Variants in CRABP1 observed in about 807,000 individuals in gnomAD.
CRABP1 encodes the protein cellular retinoic acid binding protein 1.
In CRABP1, 9 loss-of-function variants were observed where a neutral mutation model predicts 16.4. The ratio of observed to expected loss-of-function variants is 0.55; its 90% confidence interval spans 0.33 to 0.96. The LOEUF (loss-of-function observed/expected upper bound fraction) is 0.96, where lower values mean the gene tolerates loss of function less well. Ranked by LOEUF, CRABP1 falls within the 40% of genes least tolerant of loss-of-function variation. CRABP1 has a pLI of 0.03. For synonymous variants in CRABP1, 72 were observed against 70.4 expected (o/e 1.02, Z -0.11); for missense variants, 157 against 186.0 (o/e 0.84, Z 0.91).
At chr15:78,344,912 G>A (rs1277291226) in intron 3 of CRABP1, among the ~76,000 whole-genome samples, 1 of 150,388 alleles carries the variant, frequency 6.6e-6, no homozygotes, top group Non-Finnish European at 1.5e-5. Flanking sequence ...CTGAGACCCT[G>A]TCTCAAAATT....
intron 3 of CRABP1, among the ~76,000 whole-genome samples, chr15:78,344,292 C>A (rs1057435294): frequency 1.3e-5 from 2 of 152,118 alleles, no homozygotes; most frequent in Non-Finnish European, 2.9e-5. Context: ...GAAACCCCGT[C>A]TCTACTAAAA....
intron 3 of CRABP1, among the ~76,000 whole-genome samples, chr15:78,344,572 C>CT (rs2050254823): frequency 1.3e-5 from 2 of 152,032 alleles, no homozygotes; most frequent in South Asian, 2.1e-4. Context: ...ACTTCCTCCC[C>CT]TTTTTTTAGG....
chr15:78,348,220 T>C lies in CRABP1; in HGVS notation c.*243T>C, dbSNP rs1360946849. Reference sequence around the variant, plus strand: ...GAAGTCATTAAACTGGTTAGACGTGTCTCAACCTTTTCCCTTTTTTGGTTT... The same window carrying C: ...GAAGTCATTAAACTGGTTAGACGTGCCTCAACCTTTTCCCTTTTTTGGTTT... On this transcript the variant is annotated 3_prime_UTR_variant, in exon 4 of 4. Coordinates refer to ENST00000299529, the MANE Select transcript of CRABP1 (RefSeq NM_004378.3). 5.6e-6 allele frequency: 3 copies of C among 540,400 alleles called. No homozygotes were observed. In the Admixed American group the frequency reaches 1.0e-4, roughly 18 times the overall value. 33.5% of individuals were successfully genotyped at this position (540,400 alleles called of 1,614,324 possible).
Position 78,341,243 on chromosome 15 carries a change from A to G in CRABP1, c.249+22A>G, listed in dbSNP as rs375712642. 6.9e-5 allele frequency: 110 copies of G among 1,595,682 alleles called. No individual in the cohort carries two copies. The African/African-American group carries it at 1.4e-3, about 20-fold the overall frequency. ...CAGGGTGAGGCCCCAGAGCCACTAC[A>G]GCGTCCCCGTGTCCCCGCTCGGTGC... On this transcript the variant is annotated intron_variant, in intron 2 of 3. Coordinates refer to ENST00000299529, the MANE Select transcript of CRABP1 (RefSeq NM_004378.3). This position sits in a 1 kb window ranked among gnomAD's most constrained non-coding sequence, Gnocchi z 5.3.
In CRABP1 at chr15:78,341,223, T is replaced by C; in HGVS notation, c.249+2T>C. On this transcript the variant is annotated splice_donor_variant, in intron 2 of 3. Transcript: ENST00000299529. LOFTEE classifies it high-confidence loss of function. The surrounding 1 kb of genome is among the most constrained non-coding windows in gnomAD (Gnocchi z 5.3). Reference sequence around the variant, plus strand: ...ACCGTGGACGGACGCAAGTGCAGGGTGAGGCCCCAGAGCCACTACAGCGTC... The same window carrying C: ...ACCGTGGACGGACGCAAGTGCAGGGCGAGGCCCCAGAGCCACTACAGCGTC... 1 of 1,607,136 alleles carries C rather than the reference T, an allele frequency of 6.2e-7. No individual in the cohort carries two copies. The highest frequency in any genetic ancestry group is 8.5e-7 in the Non-Finnish European group (1 of 1,177,050).
intron 3 of CRABP1, chr15:78,347,707 G>A: frequency 2.0e-6 from 1 of 497,618 alleles, no homozygotes; most frequent in South Asian, 3.1e-5. Context: ...AAGGAAAATG[G>A]TATATAACAT....
At position 78,343,569 on chromosome 15, in the gene CRABP1, A is replaced by G. The variant is rs768271458; in HGVS notation, c.320A>G (p.Lys107Arg). The G allele has an allele frequency of 5.0e-6, 8 of 1,614,186 alleles. No individual in the cohort carries two copies. The South Asian group carries it at 8.8e-5, about 18-fold the overall frequency. Residue 107 changes from lysine (K) to arginine (R), a missense_variant, in exon 3 of 4, where the codon AAA (lysine) becomes AGA (arginine). Coordinates refer to ENST00000299529, the MANE Select transcript of CRABP1 (RefSeq NM_004378.3). ...TQTLLEGDGPKTYWTRELAND... is the reference protein window; with the variant it reads ...TQTLLEGDGPRTYWTRELAND... ...ACTCTTCTTGAAGGGGACGGCCCCA[A>G]AACCTACTGGACCCGTGAGCTGGCC...
intron 3 of CRABP1, among the ~76,000 whole-genome samples, chr15:78,344,922 TAAAAACAAAAAA>T (rs113936891): frequency 0.036 from 5,235 of 145,026 alleles, 274 homozygotes; most frequent in African/African-American, 0.12. Flanking sequence ...GTCTCAAAAT[TAAAAACAAAAAA>T]AAAAACAAAA....
At chr15:78,340,522 C>T (rs760418980) in intron 1 of CRABP1, 24 bp downstream of exon 1, 4 of 1,598,048 alleles carry the variant, frequency 2.5e-6, no homozygotes, top group Admixed American at 3.4e-5. Context: ...GAGGGCGCGC[C>T]CCGACGGGGA....
intron 3 of CRABP1, among the ~76,000 whole-genome samples, chr15:78,344,220 G>T (rs2050252012): frequency 6.6e-6 from 1 of 152,126 alleles, no homozygotes; most frequent in South Asian, 2.1e-4. Context: ...CAGCATTCTG[G>T]GGGGCCAAAG....
At chr15:78,346,174 T>C (rs2050264276) in intron 3 of CRABP1, among the ~76,000 whole-genome samples, 1 of 152,330 alleles carries the variant, frequency 6.6e-6, no homozygotes, top group African/African-American at 2.4e-5. Flanking sequence ...TCCATGGCTG[T>C]AGAACTCAAA....
rs964801270 is a variant in CRABP1, at chr15:78,348,180, C to T, written c.*203C>T. 2 of 586,932 alleles carry T rather than the reference C, an allele frequency of 3.4e-6. No homozygotes were observed. Among genetic ancestry groups the T allele is most frequent in the Non-Finnish European group, 6.0e-6 (2 of 331,860 alleles). The allele number at this position is 586,932 out of a possible 1,614,324, so 36.4% of individuals were successfully genotyped here. ...GTATCCCTAGTGCTCCATAGTTTGG[C>T]ATTTGCACGGTTTCGAAGTCATTAA... On this transcript the variant is annotated 3_prime_UTR_variant, in exon 4 of 4. Transcript: ENST00000299529.
intron 1 of CRABP1, 109 bp from the exon 2 acceptor site, chr15:78,340,929 CGAGTG>C (rs1595954609): frequency 9.2e-7 from 1 of 1,087,002 alleles, no homozygotes; most frequent in Non-Finnish European, 1.3e-6. Context: ...GGCAGGGAAA[CGAGTG>C]GATCAATTTT....
chr15:78,341,184 G>T lies in CRABP1; in HGVS notation c.212G>T (p.Gly71Val), dbSNP rs780324178. ...TTEINFKVGEGFEEETVDGRK... is the reference protein window; with the variant it reads ...TTEINFKVGEVFEEETVDGRK... ...GAGATCAACTTCAAGGTCGGAGAAG[G>T]CTTTGAGGAGGAGACCGTGGACGGA... is the stretch of plus-strand genomic sequence containing the variant. The change falls in exon 2 of 4, where the codon GGC becomes GTC. Residue 71 changes from glycine to valine, a missense_variant. Gly to Val is a moderately radical substitution (Grantham distance 109, BLOSUM62 -3). Coordinates refer to ENST00000299529, the MANE Select transcript of CRABP1 (RefSeq NM_004378.3). This position sits in a 1 kb window ranked among gnomAD's most constrained non-coding sequence, Gnocchi z 5.3. The T allele has an allele frequency of 6.2e-7, 1 of 1,612,526 alleles. No individual in the cohort carries two copies. Among genetic ancestry groups the T allele is most frequent in the Non-Finnish European group, 8.5e-7 (1 of 1,179,482 alleles).
chr15:78,340,886 G>A, intron 1 of CRABP1, 157 bp from the exon 2 acceptor site: 1 of 751,946 alleles, frequency 1.3e-6, no homozygotes, highest in Non-Finnish European at 2.1e-6. Flanking sequence ...CCCTCTCTGT[G>A]CCTCAGTCTC....
Position 78,341,014 on chromosome 15 carries a change from G to A in CRABP1, c.71-29G>A, listed in dbSNP as rs777502937. On this transcript the variant is annotated intron_variant, in intron 1 of 3. Coordinates refer to ENST00000299529, the MANE Select transcript of CRABP1 (RefSeq NM_004378.3). The surrounding 1 kb of genome is among the most constrained non-coding windows in gnomAD (Gnocchi z 5.3). ...CCCGAGACTGGCGGCGAGGCCCCGT[G>A]ACCCAAGCCTGTGGTGCACCCTGCG... The A allele has an allele frequency of 3.8e-6, 6 of 1,586,774 alleles. No homozygotes were observed. Among genetic ancestry groups the A allele is most frequent in the Non-Finnish European group, 5.1e-6 (6 of 1,168,936 alleles).
Position 78,345,601 on chromosome 15 carries a change from A to ATACGAGCAGC in CRABP1, c.363+1991_363+2000dup, listed in dbSNP as rs201604080. Among the ~76,000 whole-genome samples, 1,082 of 152,266 alleles carry ATACGAGCAGC rather than the reference A, an allele frequency of 7.1e-3. 16 individuals are homozygous for ATACGAGCAGC. Among genetic ancestry groups the ATACGAGCAGC allele is most frequent in the African/African-American group, 0.025 (1,043 of 41,540 alleles). On this transcript the variant is annotated intron_variant, in intron 3 of 3. Coordinates refer to ENST00000299529, the MANE Select transcript of CRABP1 (RefSeq NM_004378.3). ...GAGTGATTTTATTAACCTCTGTAGT[A>ATACGAGCAGC]TACGAGCAGCTGGAGTCACAGGCCA... is the stretch of plus-strand genomic sequence containing the variant.
At chr15:78,343,886 G>A (rs542997672) in intron 3 of CRABP1, among the ~76,000 whole-genome samples, 6 of 152,294 alleles carry the variant, frequency 3.9e-5, no homozygotes, top group Non-Finnish European at 8.8e-5. Context: ...TCCCAGTGGC[G>A]GTGACATGCT....
intron 1 of CRABP1, 117 bp downstream of exon 1, chr15:78,340,615 TC>T: frequency 8.6e-7 from 1 of 1,168,736 alleles, no homozygotes. Flanking sequence ...CAGGAGGGAG[TC>T]CCCGGGGCAA....
Sources: allele counts gnomAD v4.1 joint callset (sites outside exome capture counted in the v4.1 genomes callset), GRCh38; gene constraint gnomAD v4.1.1; non-coding constraint Gnocchi (gnomAD v3.1); transcripts MANE v1.5; gene names NCBI Gene and HGNC (gene_info 2026-07-23, HGNC 2026-07-21).